Variants in MTO1 observed in about 807,000 individuals in gnomAD.
The protein encoded by MTO1 is 5-taurinomethyluridine-[tRNA] synthase subunit MTO1, mitochondrial.
A neutral mutation model predicts 71.6 loss-of-function variants in MTO1; 46 were observed. That is an observed-to-expected ratio of 0.64 (90% CI 0.51 to 0.82). The LOEUF is 0.82. Ranked by LOEUF, MTO1 falls within the 40% of genes least tolerant of loss-of-function variation. The probability of loss-of-function intolerance (pLI) is 0.00; values close to 1 mark genes in which losing one functional copy is unlikely to be tolerated. For synonymous variants in MTO1, 297 were observed against 312.1 expected, an observed-to-expected ratio of 0.95 and a Z score of 0.51; for missense variants, 773 against 867.5, an observed-to-expected ratio of 0.89 and a Z score of 1.37.
At position 73,461,951 on chromosome 6, in the gene MTO1, C is replaced by T. The variant is rs769059204; in HGVS notation, c.97C>T (p.Arg33Trp). 1.9e-5 allele frequency: 31 copies of T among 1,614,122 alleles called. No homozygotes were observed. The East Asian group carries it at 6.9e-4, about 36-fold the overall frequency. The change falls in exon 1 of 12, where the codon CGG becomes TGG. Residue 33 changes from arginine to tryptophan, a missense_variant. Coordinates refer to ENST00000498286, the MANE Select transcript of MTO1 (RefSeq NM_012123.4). ...GTTGAGCAGTGACAGCGCGGCGCCC[C>T]GGACTCCGCACTTCGACGTGATAGT... Reference protein sequence around the residue: ...ARLSSDSAAPRTPHFDVIVIG... With the variant: ...ARLSSDSAAPWTPHFDVIVIG...
rs767069399 is a variant in MTO1 at position 73,466,195 on chromosome 6, T to A, written c.218-14T>A. Reference sequence around the variant, plus strand: ...TGCTCATATATTTATTTTGTTTATGTCTATTATCTTTAGGTCAGATGTCAT... The same window carrying A: ...TGCTCATATATTTATTTTGTTTATGACTATTATCTTTAGGTCAGATGTCAT... On this transcript the variant is annotated splice_polypyrimidine_tract_variant and intron_variant, in intron 1 of 11. Transcript: ENST00000498286. The A allele has an allele frequency of 2.5e-6, 4 of 1,599,184 alleles. No homozygotes were observed. The highest frequency in any genetic ancestry group is 3.3e-5 in the Admixed American group (2 of 59,990).
intron 10 of MTO1, among the ~76,000 whole-genome samples, chr6:73,492,932 G>T (rs1327173682): frequency 1.3e-5 from 2 of 149,736 alleles, no homozygotes; most frequent in East Asian, 3.9e-4. Context: ...AAGTGGTACT[G>T]CAGAGTCCTC....
chr6:73,465,303 A>G (rs1052384079), intron 1 of MTO1, among the ~76,000 whole-genome samples: 1 of 151,728 alleles, frequency 6.6e-6, no homozygotes, highest in African/African-American at 2.4e-5. Context: ...AGCTGGGATT[A>G]CAGGTGCAAA....
rs572385292 is a variant in MTO1 at position 73,469,243 on chromosome 6, C to G, written c.535+2637C>G. 2.6e-5 allele frequency among the ~76,000 whole-genome samples: 4 copies of G among 152,200 alleles called. No homozygotes were observed. In the East Asian group the frequency reaches 7.8e-4, roughly 30 times the overall value. On this transcript the variant is annotated intron_variant, in intron 3 of 11. Coordinates refer to ENST00000498286, the MANE Select transcript of MTO1 (RefSeq NM_012123.4). Reference sequence around the variant, plus strand: ...GTGTTGCCTAGACTGGTCTTGAACTCCTAGGCTCAAGTGATCCTCCCACCT... The same window carrying G: ...GTGTTGCCTAGACTGGTCTTGAACTGCTAGGCTCAAGTGATCCTCCCACCT...
At chr6:73,469,616 C>G (rs1359789492) in intron 3 of MTO1, among the ~76,000 whole-genome samples, 1 of 143,420 alleles carries the variant, frequency 7.0e-6, no homozygotes, top group Non-Finnish European at 1.5e-5. Flanking sequence ...GAGTGAGACT[C>G]CATCTCTAAA....
At chr6:73,494,103 C>T (rs1192782597) in intron 10 of MTO1, among the ~76,000 whole-genome samples, 2 of 151,850 alleles carry the variant, frequency 1.3e-5, no homozygotes, top group African/African-American at 4.8e-5. Context: ...AGCATGGTGG[C>T]AGGCACCTAT....
intron 3 of MTO1, among the ~76,000 whole-genome samples, chr6:73,469,068 G>T (rs1771074960): frequency 6.6e-6 from 1 of 152,030 alleles, no homozygotes; most frequent in African/African-American, 2.4e-5. Flanking sequence ...GAGTGCAGTG[G>T]CACTATAATC....
At chr6:73,472,823 CTAAA>C (rs1199414994) in intron 3 of MTO1, among the ~76,000 whole-genome samples, 2 of 151,940 alleles carry the variant, frequency 1.3e-5, no homozygotes, top group African/African-American at 2.4e-5. Context: ...GTTGCATACT[CTAAA>C]TATATACAGT....
intron 8 of MTO1, 61 bp downstream of exon 8, chr6:73,482,305 G>A (rs1771526613): frequency 6.3e-7 from 1 of 1,589,066 alleles, no homozygotes; most frequent in Non-Finnish European, 8.6e-7. Flanking sequence ...TATAATCCAA[G>A]CAATTTGAGA....
rs539376115 is a variant in MTO1, at chr6:73,508,378, T to C, written c.*7643T>C. The C allele has an allele frequency of 6.6e-6, 1 of 152,172 alleles. No homozygotes were observed. The highest frequency in any genetic ancestry group is 1.5e-5 in the Non-Finnish European group (1 of 68,030). The allele number at this position is 152,172 out of a possible 1,614,324, so 9.4% of individuals were successfully genotyped here. A position where few individuals can be genotyped will look rare whatever the true frequency, so the allele number is the denominator to read the frequency against. ...CTTTTAGAGTTGGTCTACATCCTTT[T>C]AAAACATGGGCAATCCAAATTTATA... On this transcript the variant is annotated 3_prime_UTR_variant, in exon 12 of 12. Transcript: ENST00000498286.
At chr6:73,480,222 C>A in intron 6 of MTO1, 96 bp downstream of exon 6, 1 of 1,226,682 alleles carries the variant, frequency 8.2e-7, no homozygotes, top group Non-Finnish European at 1.2e-6. Context: ...TTCAGAGCCT[C>A]AGAAGATGAA....
rs557946124 is a variant in MTO1 at position 73,461,755 on chromosome 6, A to C, written c.-100A>C. On this transcript the variant is annotated 5_prime_UTR_variant, in exon 1 of 12. Coordinates refer to ENST00000498286, the MANE Select transcript of MTO1 (RefSeq NM_012123.4). ...CGTAGACGTCCTACCCCGTGATATTAAAGCAAGATGGCCGCGCCCTGCAGA... is the reference window on the plus strand; with the variant it reads ...CGTAGACGTCCTACCCCGTGATATTCAAGCAAGATGGCCGCGCCCTGCAGA... The C allele has an allele frequency of 9.3e-5, 123 of 1,322,400 alleles. 1 individual carries two copies. The highest frequency in any genetic ancestry group is 2.1e-6 in the Non-Finnish European group (2 of 950,230). 81.9% of individuals were successfully genotyped at this position (1,322,400 alleles called of 1,614,324 possible). A position where few individuals can be genotyped will look rare whatever the true frequency, so the allele number is the denominator to read the frequency against.
chr6:73,469,084 C>G (rs1377726317), intron 3 of MTO1, among the ~76,000 whole-genome samples: 10 of 152,158 alleles, frequency 6.6e-5, no homozygotes, highest in Non-Finnish European at 1.0e-4. Context: ...TAATCGCTCA[C>G]TGTAGCCTCC....
rs142901937 is a variant in MTO1 at position 73,472,525 on chromosome 6, A to G, written c.536-840A>G. Among the ~76,000 whole-genome samples the G allele has an allele frequency of 4.6e-3, 696 of 152,298 alleles. 6 individuals are homozygous for G. Among genetic ancestry groups the G allele is most frequent in the African/African-American group, 0.016 (667 of 41,564 alleles). On this transcript the variant is annotated intron_variant, in intron 3 of 11. Transcript: ENST00000498286. ...TTGCTTAGATTGAGATTGATAACAT[A>G]TTAGCCTTCTTACTCATTTAAAATT...
At chr6:73,482,854 C>T (rs1582688180) in intron 9 of MTO1, among the ~76,000 whole-genome samples, 2 of 126,692 alleles carry the variant, frequency 1.6e-5, no homozygotes, top group East Asian at 2.4e-4. Flanking sequence ...TGCAGTGGTG[C>T]GATCTCGGCT....
At chr6:73,469,082 C>T (rs533323238) in intron 3 of MTO1, among the ~76,000 whole-genome samples, 24 of 152,200 alleles carry the variant, frequency 1.6e-4, no homozygotes, top group African/African-American at 5.5e-4. Flanking sequence ...TATAATCGCT[C>T]ACTGTAGCCT....
At position 73,491,367 on chromosome 6, in the gene MTO1, C is replaced by G. The variant is rs866462859; in HGVS notation, c.1638-867C>G. 4.1e-5 allele frequency among the ~76,000 whole-genome samples: 6 copies of G among 147,104 alleles called. No homozygotes were observed. The Middle Eastern group carries it at 0.011, about 263-fold the overall frequency. On this transcript the variant is annotated intron_variant, in intron 9 of 11. Transcript: ENST00000498286. Reference sequence around the variant, plus strand: ...TGGGAGGCCGAGGTACGCAGATCACCTGGGCAACATGACAAAACCCTGTCT... The same window carrying G: ...TGGGAGGCCGAGGTACGCAGATCACGTGGGCAACATGACAAAACCCTGTCT...
At chr6:73,495,417 C>T (rs890397480) in intron 10 of MTO1, among the ~76,000 whole-genome samples, 9 of 152,058 alleles carry the variant, frequency 5.9e-5, no homozygotes, top group Non-Finnish European at 4.4e-5. Flanking sequence ...TTCAATAAAT[C>T]GTCAGGTTCA....
intron 4 of MTO1, among the ~76,000 whole-genome samples, chr6:73,476,218 A>G (rs753596614): frequency 6.6e-6 from 1 of 150,866 alleles, no homozygotes; most frequent in Non-Finnish European, 1.5e-5. Flanking sequence ...AAAAAAAAAT[A>G]AAAAAATTAG....
Sources: allele counts gnomAD v4.1 joint callset (sites outside exome capture counted in the v4.1 genomes callset), GRCh38; gene constraint gnomAD v4.1.1; transcripts MANE v1.5; gene names NCBI Gene and HGNC (gene_info 2026-07-23, HGNC 2026-07-21).